PBDC1: variants seen among roughly 807,000 people sequenced by gnomAD.
PBDC1 encodes protein PBDC1.
In PBDC1, 3 loss-of-function variants were observed where a neutral mutation model predicts 12.0. The observed-to-expected ratio is 0.25, with a 90% CI of 0.11 to 0.64. The LOEUF (loss-of-function observed/expected upper bound fraction) is 0.64, where lower values mean the gene tolerates loss of function less well. Ranked by LOEUF, PBDC1 falls within the 30% of genes least tolerant of loss-of-function variation. PBDC1 has a pLI of 0.84. For missense variants in PBDC1, 162 were observed against 168.1 expected (o/e 0.96, Z 0.20); for synonymous variants, 64 against 56.4 (o/e 1.13, Z -0.60).
chrX:76,176,304 C>T (rs1476565751), intron 4 of PBDC1, among the ~76,000 whole-genome samples: 7 of 110,574 alleles, frequency 6.3e-5, no homozygotes, highest in Admixed American at 3.8e-4. Context: ...CAGGTGCATG[C>T]TACCATGCCC....
rs781820509 is a variant in PBDC1, at chrX:76,175,691, C to G, written c.297+78C>G. 29 of 822,301 alleles carry G rather than the reference C, an allele frequency of 3.5e-5. No homozygotes were observed. The African/African-American group carries it at 5.0e-4, about 14-fold the overall frequency. 67.8% of individuals were successfully genotyped at this position (822,301 alleles called of 1,213,427 possible). On this transcript the variant is annotated intron_variant, in intron 4 of 5. Transcript: ENST00000373358. ...TTGCGAATGTTTTTTTACATTTAAG[C>G]TCTTTTTTTGTTTGAGAAAAATATG...
Position 76,176,975 on chromosome X carries a change from A to G in PBDC1, c.392A>G (p.Glu131Gly), listed in dbSNP as rs1287074000. The G allele has an allele frequency of 1.0e-5, 12 of 1,179,749 alleles. No individual in the cohort carries two copies. Among genetic ancestry groups the G allele is most frequent in the Non-Finnish European group, 1.4e-5 (12 of 868,775 alleles). Residue 131 changes from glutamate (E) to glycine (G), a missense_variant, in exon 5 of 6, where the codon GAG becomes GGG. This residue lies in a region of PBDC1 where 100 missense variants were observed against 96.2 expected (regional missense o/e 1.04). Transcript: ENST00000373358. ...CTAGATTGTTCTCAGGGCTACACTGAGGAAAACACCATCTTTGGTGAGTTT... is the reference window on the plus strand; with the variant it reads ...CTAGATTGTTCTCAGGGCTACACTGGGGAAAACACCATCTTTGGTGAGTTT... The part of the protein sequence containing the change: ...LRLDCSQGYT[E>G]ENTIFAPRIQ...
chrX:76,173,232 C>CT (rs782525852), intron 1 of PBDC1, 64 bp downstream of exon 1: 53 of 969,889 alleles, frequency 5.5e-5, no homozygotes, highest in African/African-American at 1.8e-4. Context: ...TTTTTTTTTT[C>CT]TTTTTTGAGA....
intron 4 of PBDC1, 29 bp downstream of exon 4, chrX:76,175,642 T>G: frequency 9.0e-7 from 1 of 1,107,798 alleles, no homozygotes; most frequent in Non-Finnish European, 1.2e-6. Flanking sequence ...AAATATTACT[T>G]AGCATTTAAC....
Position 76,177,001 on chromosome X carries a change from C to T in PBDC1, c.409+9C>T. On this transcript the variant is annotated intron_variant, in intron 5 of 5. Transcript: ENST00000373358. ...GGAAAACACCATCTTTGGTGAGTTT[C>T]TTCCCTCTGGAATTGTTTCTGTGTA... The T allele has an allele frequency of 8.9e-7, 1 of 1,117,779 alleles. No individual in the cohort carries two copies. Among genetic ancestry groups the T allele is most frequent in the Non-Finnish European group, 1.2e-6 (1 of 810,494 alleles). 92.1% of individuals were successfully genotyped at this position (1,117,779 alleles called of 1,213,427 possible). A position where few individuals can be genotyped will look rare whatever the true frequency, so the allele number is the denominator to read the frequency against.
Position 76,177,735 on chromosome X carries a change from A to G in PBDC1, c.529A>G (p.Lys177Glu). 2 of 1,210,338 alleles carry G rather than the reference A, an allele frequency of 1.7e-6. No homozygotes were observed. Among genetic ancestry groups the G allele is most frequent in the Non-Finnish European group, 2.2e-6 (2 of 895,004 alleles). The change falls in exon 6 of 6, where the codon AAA becomes GAA. Residue 177 changes from lysine to glutamate, a missense_variant. Physicochemically the swap from Lys to Glu is moderately conservative, Grantham distance 56. Around this residue, in one of 3 missense-constraint regions of PBDC1, gnomAD observed 100 missense variants for 96.2 expected, o/e 1.04. Transcript: ENST00000373358. ...GEKGVNNGGE[K>E]RADSGEEENT... Reference sequence around the variant, plus strand: ...GAAAGGAGTCAACAATGGAGGAGAAAAAAGAGCTGACAGTGGAGAAGAAGA... The same window carrying G: ...GAAAGGAGTCAACAATGGAGGAGAAGAAAGAGCTGACAGTGGAGAAGAAGA...
chrX:76,174,440 G>A (rs1924737505), intron 2 of PBDC1, among the ~76,000 whole-genome samples: 1 of 112,146 alleles, frequency 8.9e-6, no homozygotes, highest in Non-Finnish European at 1.9e-5. Context: ...AGGTGTTACA[G>A]TATGGGGAAT....
rs1229842689 is a variant in PBDC1, at chrX:76,178,052, G to A, written c.*144G>A. 1 of 1,051,262 alleles carries A rather than the reference G, an allele frequency of 9.5e-7. No individual in the cohort carries two copies. The highest frequency in any genetic ancestry group is 1.3e-6 in the Non-Finnish European group (1 of 785,070). 86.6% of individuals were successfully genotyped at this position (1,051,262 alleles called of 1,213,427 possible). A position where few individuals can be genotyped will look rare whatever the true frequency, so the allele number is the denominator to read the frequency against. On this transcript the variant is annotated 3_prime_UTR_variant, in exon 6 of 6. Coordinates refer to ENST00000373358, the MANE Select transcript of PBDC1 (RefSeq NM_016500.5). ...AGAAGGACATCTTTCTAGTCTAACA[G>A]TCAGGAGCTGCTCTGGTCATTCCCT...
intron 2 of PBDC1, among the ~76,000 whole-genome samples, chrX:76,174,459 T>G (rs1447248492): frequency 8.9e-6 from 1 of 112,189 alleles, no homozygotes; most frequent in East Asian, 2.8e-4. Flanking sequence ...ATTGGCTGTT[T>G]GGTAAACAAA....
intron 3 of PBDC1, 60 bp from the exon 4 acceptor site, chrX:76,175,413 G>A (rs782787735): frequency 2.2e-5 from 24 of 1,099,061 alleles, no homozygotes; most frequent in African/African-American, 1.1e-4. Flanking sequence ...TGGGGATGGG[G>A]AAGATAGAAG....
chrX:76,173,320 A>G (rs1453100817), intron 1 of PBDC1, 152 bp downstream of exon 1: 2 of 531,262 alleles, frequency 3.8e-6, no homozygotes, highest in African/African-American at 2.4e-5. Flanking sequence ...TCCAGCGCTC[A>G]GATCTTCCGC....
intron 1 of PBDC1, 145 bp downstream of exon 1, chrX:76,173,313 A>G (rs1393060037): frequency 3.6e-6 from 2 of 549,313 alleles, no homozygotes; most frequent in African/African-American, 2.4e-5. Context: ...CTCGACCTCC[A>G]GCGCTCAGAT....
chrX:76,175,007 G>A, intron 3 of PBDC1, 58 bp downstream of exon 3: 5 of 858,763 alleles, frequency 5.8e-6, no homozygotes, highest in Non-Finnish European at 8.7e-6. Context: ...AGTGTATGAT[G>A]CTCTGCTTAT....
In PBDC1 at chrX:76,177,760, A is replaced by T. The variant is rs782609609; in HGVS notation, c.554A>T (p.Glu185Val). 3.3e-6 allele frequency: 4 copies of T among 1,207,474 alleles called. No homozygotes were observed. The highest frequency in any genetic ancestry group is 4.5e-6 in the Non-Finnish European group (4 of 893,653). ...GEKRADSGEE[E>V]NTKNGGEKGA... Reference sequence around the variant, plus strand: ...AAAAGAGCTGACAGTGGAGAAGAAGAGAACACCAAGAATGGAGGAGAGAAA... The same window carrying T: ...AAAAGAGCTGACAGTGGAGAAGAAGTGAACACCAAGAATGGAGGAGAGAAA... Residue 185 changes from glutamate (E) to valine (V), a missense_variant, in exon 6 of 6, where the codon GAG becomes GTG. This residue lies in a region of PBDC1 where 100 missense variants were observed against 96.2 expected (regional missense o/e 1.04). Transcript: ENST00000373358.
intron 2 of PBDC1, 117 bp downstream of exon 2, chrX:76,173,767 C>T (rs1924722541): frequency 5.2e-6 from 2 of 382,421 alleles, no homozygotes; most frequent in Non-Finnish European, 8.4e-6. Flanking sequence ...ACCCTCTCCA[C>T]TTACACCAGA....
At chrX:76,175,040 A>G in intron 3 of PBDC1, 91 bp downstream of exon 3, 1 of 745,637 alleles carries the variant, frequency 1.3e-6, no homozygotes, top group Admixed American at 2.5e-5. Context: ...CAAGTTAAAC[A>G]GTTGTGTTTT....
At position 76,173,681 on chromosome X, in the gene PBDC1, A is replaced by G. The variant is rs782594593; in HGVS notation, c.96+31A>G. On this transcript the variant is annotated intron_variant, in intron 2 of 5. Transcript: ENST00000373358. ...TATGACTCACCCACAGCTCCCACCC[A>G]CTCAGCTAGCCTGGGATCTCTGCAG... 4 of 1,059,849 alleles carry G rather than the reference A, an allele frequency of 3.8e-6. No individual in the cohort carries two copies. In the South Asian group the frequency reaches 1.0e-4, roughly 27 times the overall value. 87.3% of individuals were successfully genotyped at this position (1,059,849 alleles called of 1,213,427 possible). A position where few individuals can be genotyped will look rare whatever the true frequency, so the allele number is the denominator to read the frequency against.
In PBDC1 at chrX:76,175,490, C is replaced by T; in HGVS notation, c.174C>T (p.Asp58=). Residue 58 remains aspartate, a synonymous_variant, in exon 4 of 6, where the codon GAC becomes GAT. Coordinates refer to ENST00000373358, the MANE Select transcript of PBDC1 (RefSeq NM_016500.5). ...EVYYKLISSV[D]PQFLKLTKVD... ...TTTCGCAGCTGATTTCATCAGTTGA[C>T]CCACAGTTCCTGAAACTCACCAAAG... The T allele has an allele frequency of 8.3e-7, 1 of 1,207,592 alleles. No individual in the cohort carries two copies. Among genetic ancestry groups the T allele is most frequent in the Non-Finnish European group, 1.1e-6 (1 of 892,560 alleles).
In PBDC1 at chrX:76,174,992, A is replaced by G. The variant is rs781996589; in HGVS notation, c.156+43A>G. 5.3e-6 allele frequency: 5 copies of G among 936,938 alleles called. No individual in the cohort carries two copies. In the South Asian group the frequency reaches 9.9e-5, roughly 19 times the overall value. The allele number at this position is 936,938 out of a possible 1,213,427, so 77.2% of individuals were successfully genotyped here. A position where few individuals can be genotyped will look rare whatever the true frequency, so the allele number is the denominator to read the frequency against. On this transcript the variant is annotated intron_variant, in intron 3 of 5. Transcript: ENST00000373358. ...ATCATTAAGCAGAATTAAACATGTAATTATAGTGTATGATGCTCTGCTTAT... is the reference window on the plus strand; with the variant it reads ...ATCATTAAGCAGAATTAAACATGTAGTTATAGTGTATGATGCTCTGCTTAT...
Sources: allele counts gnomAD v4.1 joint callset (sites outside exome capture counted in the v4.1 genomes callset), GRCh38; gene constraint gnomAD v4.1.1; regional missense constraint gnomAD v4.1.1; transcripts MANE v1.5; gene names NCBI Gene and HGNC (gene_info 2026-07-23, HGNC 2026-07-21).